Variants in TALDO1 observed in about 807,000 individuals in gnomAD.
TALDO1 encodes the protein transaldolase.
Under a neutral mutation model 38.1 loss-of-function variants are expected in TALDO1, and 29 were observed. The ratio of observed to expected loss-of-function variants is 0.76; its 90% CI spans 0.57 to 1.04. The LOEUF (loss-of-function observed/expected upper bound fraction) is 1.04, where lower values mean the gene tolerates loss of function less well. TALDO1 is among the 50% of genes least tolerant of loss of function. The pLI, the probability that TALDO1 is intolerant of heterozygous loss-of-function variation, is 0.00. For missense variants in TALDO1, 499 were observed against 438.1 expected (o/e 1.14, Z -1.24); for synonymous variants, 207 against 176.8 (o/e 1.17, Z -1.36).
chr11:764,692 T>TGGCCCC (rs1863018444), intron 7 of TALDO1, 121 bp from the exon 8 acceptor site: 1 of 1,514,468 alleles, frequency 6.6e-7, no homozygotes, highest in African/African-American at 1.4e-5. Flanking sequence ...CCTGTGGCCG[T>TGGCCCC]GGCCCCCACA....
Position 756,154 on chromosome 11 carries a change from G to A in TALDO1, c.221+152G>A, listed in dbSNP as rs548099915. 470 of 1,168,360 alleles carry A rather than the reference G, an allele frequency of 4.0e-4. 1 individual carries two copies. In the Middle Eastern group the frequency reaches 4.1e-3, roughly 10 times the overall value. The allele number at this position is 1,168,360 out of a possible 1,614,324, so 72.4% of individuals were successfully genotyped here. On this transcript the variant is annotated intron_variant, in intron 2 of 7. Transcript: ENST00000319006. ...TTTTTGCCTATTTTTGTTTATTGAA[G>A]TGTAATCTGCATGAAGTAACCTGCA... is the stretch of plus-strand genomic sequence containing the variant.
At chr11:758,783 T>G (rs1377018226) in intron 2 of TALDO1, among the ~76,000 whole-genome samples, 167 bp from the exon 3 acceptor site, 3 of 152,114 alleles carry the variant, frequency 2.0e-5, no homozygotes, top group Admixed American at 2.0e-4. Context: ...TTTTTAATAT[T>G]TTTAGTGGAG....
chr11:758,306 G>A (rs1447090612), intron 2 of TALDO1, among the ~76,000 whole-genome samples: 2 of 151,934 alleles, frequency 1.3e-5, no homozygotes, highest in Non-Finnish European at 2.9e-5. Flanking sequence ...AATTAGCCAG[G>A]TATAGAGGTG....
At chr11:763,313 TGCCCCGCCC>T in intron 4 of TALDO1, 22 bp from the exon 5 acceptor site, 1 of 426,242 alleles carries the variant, frequency 2.3e-6, no homozygotes, top group Non-Finnish European at 3.4e-6. Context: ...CGCCCTCACC[TGCCCCGCCC>T]TCACCTGTCC....
intron 1 of TALDO1, among the ~76,000 whole-genome samples, chr11:755,135 CTTTTTTTTTTT>C (rs71022966): frequency 1.7e-4 from 10 of 59,604 alleles, no homozygotes; most frequent in African/African-American, 4.8e-4. Context: ...TCCCCTTGGC[CTTTTTTTTTTT>C]TTTTTTTTTT....
At chr11:763,213 TCAC>T in intron 4 of TALDO1, 128 bp from the exon 5 acceptor site, 1 of 21,954 alleles carries the variant, frequency 4.6e-5, no homozygotes, top group Non-Finnish European at 8.5e-5. Flanking sequence ...TGCCCCGCCC[TCAC>T]CTGCCCCCGC....
chr11:764,021 T>G, intron 6 of TALDO1, 77 bp downstream of exon 6: 2 of 1,535,370 alleles, frequency 1.3e-6, no homozygotes, highest in Non-Finnish European at 1.8e-6. Context: ...CTGTGGGTGA[T>G]CCCTCCCACC....
chr11:763,309 CACCTGCCCCGCCCT>C, intron 4 of TALDO1, 21 bp from the exon 5 acceptor site: 2 of 782,632 alleles, frequency 2.6e-6, no homozygotes, highest in South Asian at 1.7e-5. Flanking sequence ...TCCCCGCCCT[CACCTGCCCCGCCCT>C]CACCTGTCCC....
intron 4 of TALDO1, among the ~76,000 whole-genome samples, chr11:763,123 G>GT (rs1367547012): frequency 6.7e-6 from 1 of 148,842 alleles, no homozygotes; most frequent in Non-Finnish European, 1.5e-5. Context: ...TGCCTTTTTA[G>GT]TTTAAGGCCC....
rs1863026848 is a variant in TALDO1, at chr11:764,987, TAATAC to T, written c.*144_*148del. On this transcript the variant is annotated 3_prime_UTR_variant, in exon 8 of 8. Transcript: ENST00000319006. ...TTCTGATTTTATGTAAAATTTTGCC[TAATAC>T]ATTAAAGCAGTCACTTTTCCTGTGC... 47 of 1,174,004 alleles carry T rather than the reference TAATAC, an allele frequency of 4.0e-5. 1 individual carries two copies. In the South Asian group the frequency reaches 5.8e-4, roughly 15 times the overall value. The allele number at this position is 1,174,004 out of a possible 1,614,324, so 72.7% of individuals were successfully genotyped here.
In TALDO1 at chr11:757,716, T is replaced by C. The variant is rs796523526; in HGVS notation, c.222-1234T>C. Among the ~76,000 whole-genome samples the C allele has an allele frequency of 4.5e-4, 68 of 152,254 alleles. 1 individual carries two copies. The highest frequency in any genetic ancestry group is 1.5e-3 in the African/African-American group (63 of 41,532). ...TTCACTGGGTGTCTGTCCAATAACT[T>C]TGAAGAGATAGAAAATATAATATTT... On this transcript the variant is annotated intron_variant, in intron 2 of 7. Coordinates refer to ENST00000319006, the MANE Select transcript of TALDO1 (RefSeq NM_006755.2).
intron 2 of TALDO1, chr11:756,271 C>T (rs886630115): frequency 9.7e-5 from 47 of 486,534 alleles, no homozygotes; most frequent in Non-Finnish European, 3.4e-5. Context: ...TGCAGACCCC[C>T]ACAGGCCCCT....
At chr11:755,140 T>C (rs1862811476) in intron 1 of TALDO1, among the ~76,000 whole-genome samples, 1 of 125,878 alleles carries the variant, frequency 7.9e-6, no homozygotes. Flanking sequence ...TTGGCCTTTT[T>C]TTTTTTTTTT....
chr11:763,992 ACTGCCGTGCCACG>A (rs1863006020), intron 6 of TALDO1, 48 bp downstream of exon 6: 2 of 1,589,960 alleles, frequency 1.3e-6, no homozygotes, highest in Non-Finnish European at 1.7e-6. Context: ...CAAGGCCAGC[ACTGCCGTGCCACG>A]CTGCCCTGTG....
intron 2 of TALDO1, among the ~76,000 whole-genome samples, chr11:758,446 G>GA (rs1256981246): frequency 4.0e-5 from 6 of 150,168 alleles, no homozygotes; most frequent in African/African-American, 7.3e-5. Context: ...TGTCTTGGGG[G>GA]AAAAAAAAAA....
chr11:759,121 C>A, intron 3 of TALDO1, 64 bp downstream of exon 3: 2 of 1,386,112 alleles, frequency 1.4e-6, no homozygotes, highest in Non-Finnish European at 2.0e-6. Context: ...CACGTGGATG[C>A]CAACATGAGG....
At chr11:764,650 C>T (rs1175553055) in intron 7 of TALDO1, among the ~76,000 whole-genome samples, 163 bp from the exon 8 acceptor site, 2 of 152,202 alleles carry the variant, frequency 1.3e-5, no homozygotes, top group Non-Finnish European at 2.9e-5. Flanking sequence ...TGGCTCCTCT[C>T]TGGCCTGTGT....
In TALDO1 at chr11:763,933, C is replaced by T. The variant is rs1391258906; in HGVS notation, c.824C>T (p.Ser275Leu). The T allele has an allele frequency of 6.2e-7, 1 of 1,609,558 alleles. No homozygotes were observed. The highest frequency in any genetic ancestry group is 2.2e-5 in the East Asian group (1 of 44,878). Residue 275 changes from serine to leucine, a missense_variant, in exon 6 of 8, where the codon TCA (serine) becomes TTA (leucine). Physicochemically the swap from Ser to Leu is moderately radical, Grantham distance 145. Transcript: ENST00000319006. ...AACGCCAAGCTGGTGCCTGTGCTCTCAGCCAAGGCGGGTGAGGCCCCACTG... is the reference window on the plus strand; with the variant it reads ...AACGCCAAGCTGGTGCCTGTGCTCTTAGCCAAGGCGGGTGAGGCCCCACTG... ...QDNAKLVPVL[S>L]AKAAQASDLE...
Position 755,980 on chromosome 11 carries a change from G to A in TALDO1, c.199G>A (p.Ala67Thr), listed in dbSNP as rs1564991348. The change falls in exon 2 of 8, where the codon GCC becomes ACC. Residue 67 changes from alanine (A) to threonine (T), a missense_variant. Coordinates refer to ENST00000319006, the MANE Select transcript of TALDO1 (RefSeq NM_006755.2). ...CCAGGAGCTGGTGGAGGAGGCGATT[G>A]CCTATGGCCGGAAGCTGGGCGGGTG... The part of the protein sequence containing the change: ...AYQELVEEAI[A>T]YGRKLGGSQE... 4.3e-6 allele frequency: 7 copies of A among 1,613,582 alleles called. No individual in the cohort carries two copies. In the East Asian group the frequency reaches 1.6e-4, roughly 36 times the overall value.
Sources: allele counts gnomAD v4.1 joint callset (sites outside exome capture counted in the v4.1 genomes callset), GRCh38; gene constraint gnomAD v4.1.1; transcripts MANE v1.5; gene names NCBI Gene and HGNC (gene_info 2026-07-23, HGNC 2026-07-21).